Variants in AKAP7 observed in about 807,000 individuals in gnomAD.
The protein encoded by AKAP7 is A kinase (PRKA) anchor protein 7.
AKAP7 carries 39 observed loss-of-function variants against 39.5 expected under a neutral mutation model. The observed-to-expected ratio is 0.99, with a 90% confidence interval of 0.76 to 1.29. The LOEUF (loss-of-function observed/expected upper bound fraction) is 1.29. Among genes scored for constraint, AKAP7 ranks in the 50% most tolerant of loss-of-function variants. The pLI is 0.00. For synonymous variants in AKAP7, 140 were observed against 139.1 expected, an observed-to-expected ratio of 1.01 and a Z score of -0.05; for missense variants, 414 against 407.7, an observed-to-expected ratio of 1.02 and a Z score of -0.13.
At chr6:131,136,625 GT>G (rs1245055842) in intron 1 of AKAP7, among the ~76,000 whole-genome samples, 1 of 152,214 alleles carries the variant, frequency 6.6e-6, no homozygotes, top group African/African-American at 2.4e-5. Flanking sequence ...TCAGGATCCT[GT>G]TAGCATATCT....
chr6:131,271,487 G>A (rs1445164605), intron 7 of AKAP7, among the ~76,000 whole-genome samples: 1 of 151,996 alleles, frequency 6.6e-6, no homozygotes, highest in Non-Finnish European at 1.5e-5. Context: ...GGAAGTATAA[G>A]TCTTCTAATC....
rs527246456 is a variant in AKAP7, at chr6:131,194,155, T to C, written c.590-5306T>C. 2.8e-3 allele frequency among the ~76,000 whole-genome samples: 421 copies of C among 152,192 alleles called. 3 individuals carry two copies. The highest frequency in any genetic ancestry group is 9.8e-3 in the African/African-American group (406 of 41,564). ...TATCTATTTAAAAGTTTTGCTTTTTTTTGATGTAGGCACTTAAAACAATAA... is the reference window on the plus strand; with the variant it reads ...TATCTATTTAAAAGTTTTGCTTTTTCTTGATGTAGGCACTTAAAACAATAA... On this transcript the variant is annotated intron_variant, in intron 5 of 7. Transcript: ENST00000431975.
intron 6 of AKAP7, among the ~76,000 whole-genome samples, chr6:131,204,898 G>C (rs577533874): frequency 6.6e-6 from 1 of 152,128 alleles, no homozygotes; most frequent in Non-Finnish European, 1.5e-5. Context: ...AAGCCAGATG[G>C]TGTCCTCCTT....
intron 7 of AKAP7, among the ~76,000 whole-genome samples, chr6:131,278,490 G>A (rs77115173): frequency 0.097 from 14,696 of 152,092 alleles, 1,643 homozygotes; most frequent in African/African-American, 0.27. Context: ...TTGCATTGCT[G>A]TAAAGAAATA....
At chr6:131,242,094 G>A in intron 7 of AKAP7, 6 of 983,328 alleles carry the variant, frequency 6.1e-6, no homozygotes, top group Non-Finnish European at 7.2e-6. Flanking sequence ...AATGCCTAAG[G>A]GACTGAGTGT....
intron 6 of AKAP7, among the ~76,000 whole-genome samples, chr6:131,210,545 C>T (rs1466302058): frequency 6.6e-6 from 1 of 152,204 alleles, no homozygotes; most frequent in Non-Finnish European, 1.5e-5. Flanking sequence ...ATCTTTAAGG[C>T]CTTTCAGTGC....
chr6:131,263,225 A>G (rs1218463235), intron 7 of AKAP7, among the ~76,000 whole-genome samples: 1 of 152,154 alleles, frequency 6.6e-6, no homozygotes, highest in Admixed American at 6.5e-5. Flanking sequence ...CTTGAGACCA[A>G]CTTACAGACA....
Position 131,153,800 on chromosome 6 carries a change from A to G in AKAP7, c.152-6259A>G, listed in dbSNP as rs546535074. ...AGAATGTACTATACATGGCCACCCA[A>G]TAAACAGTGTATGCAAAAAATGGAA... On this transcript the variant is annotated intron_variant, in intron 2 of 7. Coordinates refer to ENST00000431975, the MANE Select transcript of AKAP7 (RefSeq NM_016377.4). Among the ~76,000 whole-genome samples, 5 of 152,354 alleles carry G rather than the reference A, an allele frequency of 3.3e-5. No individual in the cohort carries two copies. In the South Asian group the frequency reaches 1.0e-3, roughly 32 times the overall value.
At chr6:131,210,536 T>C (rs1808548241) in intron 6 of AKAP7, among the ~76,000 whole-genome samples, 1 of 152,234 alleles carries the variant, frequency 6.6e-6, no homozygotes, top group Non-Finnish European at 1.5e-5. Context: ...TGGAGATCCA[T>C]CTTTAAGGCC....
intron 6 of AKAP7, among the ~76,000 whole-genome samples, chr6:131,201,222 T>G (rs553827684): frequency 6.6e-6 from 1 of 152,246 alleles, no homozygotes; most frequent in Admixed American, 6.5e-5. Context: ...CCAGCTCCAG[T>G]TCACGCAGAG....
At chr6:131,185,491 C>T in intron 5 of AKAP7, 1 of 320,040 alleles carries the variant, frequency 3.1e-6, no homozygotes. Flanking sequence ...TGCCATTTTC[C>T]TTGCTTCTCT....
intron 7 of AKAP7, among the ~76,000 whole-genome samples, chr6:131,225,453 G>A (rs1363997367): frequency 3.3e-5 from 5 of 152,214 alleles, no homozygotes; most frequent in African/African-American, 1.2e-4. Flanking sequence ...TGAGAGTAAA[G>A]ATATTAGCCT....
chr6:131,187,892 T>C (rs987535947), intron 5 of AKAP7, among the ~76,000 whole-genome samples: 32 of 152,286 alleles, frequency 2.1e-4, no homozygotes, highest in African/African-American at 7.7e-4. Context: ...TCACTTGGAT[T>C]TGCTGGTTGT....
intron 6 of AKAP7, among the ~76,000 whole-genome samples, chr6:131,218,043 A>T (rs925354297): frequency 6.6e-6 from 1 of 152,132 alleles, no homozygotes; most frequent in Non-Finnish European, 1.5e-5. Flanking sequence ...GACTGTGTGT[A>T]TGTGTGTGTT....
At chr6:131,147,193 C>T (rs918291051) in intron 2 of AKAP7, among the ~76,000 whole-genome samples, 1 of 152,178 alleles carries the variant, frequency 6.6e-6, no homozygotes, top group Non-Finnish European at 1.5e-5. Flanking sequence ...TCTTTTTCAA[C>T]CTTTGCATCC....
intron 7 of AKAP7, among the ~76,000 whole-genome samples, chr6:131,222,388 G>A (rs1034437393): frequency 5.9e-5 from 9 of 152,040 alleles, no homozygotes; most frequent in Admixed American, 3.9e-4. Flanking sequence ...CTAGCCGGGC[G>A]TGGTGGCGGG....
At chr6:131,265,875 A>C (rs1813756306) in intron 7 of AKAP7, among the ~76,000 whole-genome samples, 1 of 152,232 alleles carries the variant, frequency 6.6e-6, no homozygotes, top group Non-Finnish European at 1.5e-5. Flanking sequence ...AAACCCAGGC[A>C]CATAATAGAT....
chr6:131,144,197 A>G (rs1376128873), intron 1 of AKAP7, among the ~76,000 whole-genome samples: 2 of 147,810 alleles, frequency 1.4e-5, no homozygotes, highest in African/African-American at 2.5e-5. Flanking sequence ...CGATTTCTCA[A>G]TTTTTTCCCC....
intron 5 of AKAP7, among the ~76,000 whole-genome samples, chr6:131,173,150 G>A (rs1307977513): frequency 2.0e-5 from 3 of 148,758 alleles, no homozygotes; most frequent in African/African-American, 5.0e-5. Flanking sequence ...GCAGTGAGCC[G>A]AGATCGTGCC....
Sources: allele counts gnomAD v4.1 joint callset (sites outside exome capture counted in the v4.1 genomes callset), GRCh38; gene constraint gnomAD v4.1.1; transcripts MANE v1.5; gene names NCBI Gene and HGNC (gene_info 2026-07-23, HGNC 2026-07-21).